Variants in PTPRT observed in about 807,000 individuals in gnomAD.
PTPRT encodes protein tyrosine phosphatase receptor type T, also known as receptor-type tyrosine-protein phosphatase T.
Under a neutral mutation model 176.8 loss-of-function variants are expected in PTPRT, and 56 were observed. The observed-to-expected ratio is 0.32, with a 90% CI of 0.26 to 0.40. PTPRT has a LOEUF of 0.40. Among genes scored for constraint, PTPRT ranks in the 10% least tolerant of loss-of-function variants. PTPRT has a pLI of 1.00. For synonymous variants in PTPRT, 783 were observed against 739.0 expected (o/e 1.06, Z -0.96); for missense variants, 1,540 against 1,908.2 (o/e 0.81, Z 3.60).
intron 1 of PTPRT, among the ~76,000 whole-genome samples, chr20:42,996,044 G>T (rs1984203830): frequency 6.6e-6 from 1 of 152,042 alleles, no homozygotes; most frequent in Admixed American, 6.6e-5. Context: ...TGTTGCCCAG[G>T]CTGGTATTGC....
At chr20:42,133,653 T>C (rs894059502) in intron 18 of PTPRT, among the ~76,000 whole-genome samples, 2 of 152,172 alleles carry the variant, frequency 1.3e-5, no homozygotes, top group African/African-American at 4.8e-5. Flanking sequence ...TATAGAACTG[T>C]ACAACATAAA....
intron 3 of PTPRT, among the ~76,000 whole-genome samples, chr20:42,782,257 GCC>G (rs1664078188): frequency 6.7e-6 from 1 of 149,936 alleles, no homozygotes; most frequent in African/African-American, 2.4e-5. Flanking sequence ...TCTAACGTGG[GCC>G]CCTGTTAGTC....
intron 7 of PTPRT, among the ~76,000 whole-genome samples, chr20:42,572,038 T>G (rs1038100261): frequency 1.3e-5 from 2 of 152,176 alleles, no homozygotes; most frequent in Admixed American, 6.5e-5. Context: ...CTCACAGTTC[T>G]GGGGACTGGG....
chr20:42,306,986 C>T (rs550504465), intron 12 of PTPRT, among the ~76,000 whole-genome samples: 1 of 152,186 alleles, frequency 6.6e-6, no homozygotes, highest in African/African-American at 2.4e-5. Flanking sequence ...ACAGCAGATG[C>T]TCAAGCAATT....
downstream of PTPRT, among the ~76,000 whole-genome samples, chr20:42,069,789 A>T (rs1179116084): frequency 1.3e-5 from 2 of 152,144 alleles, no homozygotes; most frequent in Non-Finnish European, 2.9e-5. Flanking sequence ...TAACTAGTTA[A>T]ATTTTGTTCC....
At chr20:42,997,491 A>G (rs775103129) in intron 1 of PTPRT, among the ~76,000 whole-genome samples, 1 of 152,148 alleles carries the variant, frequency 6.6e-6, no homozygotes, top group African/African-American at 2.4e-5. Flanking sequence ...CTCCCTTGAT[A>G]GTCAGGGAAG....
At chr20:42,060,195 C>T in the PTPRT span, among the ~76,000 whole-genome samples, 1 of 152,098 alleles carries the variant, frequency 6.6e-6, no homozygotes, top group African/African-American at 2.4e-5. Flanking sequence ...CTAGTAGACC[C>T]AGAGCTAGAA....
intron 6 of PTPRT, among the ~76,000 whole-genome samples, chr20:42,701,392 G>A (rs189777919): frequency 6.6e-6 from 1 of 152,296 alleles, no homozygotes; most frequent in East Asian, 1.9e-4. Flanking sequence ...ACCGTGGGAT[G>A]CTTAAATGAT....
Position 42,076,342 on chromosome 20 carries a change from G to C in PTPRT, c.*4537C>G, listed in dbSNP as rs1012099651. On this transcript the variant is annotated 3_prime_UTR_variant, in exon 31 of 31. Coordinates refer to ENST00000373187, the MANE Select transcript of PTPRT (RefSeq NM_007050.6). ...CCATGTGACTCCACTTGGACAACAG[G>C]CACCACTTTCCAGCCTAGCATTCAG... The C allele has an allele frequency of 5.6e-5, 11 of 198,096 alleles. No individual in the cohort carries two copies. Among genetic ancestry groups the C allele is most frequent in the Non-Finnish European group, 1.0e-4 (10 of 95,866 alleles). The allele number at this position is 198,096 out of a possible 1,614,324, so 12.3% of individuals were successfully genotyped here.
chr20:43,007,958 G>C (rs1364479572), intron 1 of PTPRT, among the ~76,000 whole-genome samples: 1 of 152,172 alleles, frequency 6.6e-6, no homozygotes, highest in Non-Finnish European at 1.5e-5. Context: ...CCAAGTAAAA[G>C]TGCTGACTTA....
intron 7 of PTPRT, among the ~76,000 whole-genome samples, chr20:42,593,608 A>T (rs1021296043): frequency 1.1e-4 from 16 of 152,208 alleles, no homozygotes; most frequent in African/African-American, 3.6e-4. Context: ...TTAAACTCTC[A>T]TCGAAGAGTG....
chr20:42,340,554 T>C (rs1447620927), intron 11 of PTPRT, among the ~76,000 whole-genome samples: 2 of 152,226 alleles, frequency 1.3e-5, no homozygotes, highest in African/African-American at 4.8e-5. Flanking sequence ...GGCAACTCCC[T>C]GAGCAGCCCT....
At chr20:42,589,611 T>C (rs1212202659) in intron 7 of PTPRT, among the ~76,000 whole-genome samples, 1 of 152,098 alleles carries the variant, frequency 6.6e-6, no homozygotes, top group Non-Finnish European at 1.5e-5. Context: ...CAAAATGCTT[T>C]ATTGACATGG....
intron 28 of PTPRT, 74 bp from the exon 29 acceptor site, chr20:42,084,919 G>A: frequency 8.0e-7 from 1 of 1,254,356 alleles, no homozygotes; most frequent in Non-Finnish European, 1.0e-6. Flanking sequence ...ATACCCCGGG[G>A]ACTGCAGCAT....
chr20:42,630,970 C>T lies in PTPRT; in HGVS notation c.1153+46896G>A, dbSNP rs1028811831. On this transcript the variant is annotated intron_variant, in intron 7 of 30. Transcript: ENST00000373187. ...TGGAAGTAATCTTGTCCCCAGGCCT[C>T]CTAAGCTTACTTATGATGAAGTGAT... 4.6e-5 allele frequency among the ~76,000 whole-genome samples: 7 copies of T among 152,176 alleles called. No homozygotes were observed. The East Asian group carries it at 1.4e-3, about 29-fold the overall frequency.
intron 1 of PTPRT, among the ~76,000 whole-genome samples, chr20:43,033,488 T>C (rs1568744334): frequency 6.6e-6 from 1 of 152,154 alleles, no homozygotes; most frequent in African/African-American, 2.4e-5. Context: ...CAAACTGCCC[T>C]GTCATCCGCA....
intron 7 of PTPRT, among the ~76,000 whole-genome samples, chr20:42,515,953 A>C (rs1323484649): frequency 2.0e-5 from 3 of 150,050 alleles, no homozygotes. Flanking sequence ...TGTCCTTTGT[A>C]GGGACATGGA....
intron 22 of PTPRT, among the ~76,000 whole-genome samples, chr20:42,112,567 C>T (rs573188203): frequency 2.0e-5 from 3 of 152,268 alleles, no homozygotes; most frequent in Non-Finnish European, 4.4e-5. Flanking sequence ...GCCCCTTTGC[C>T]TCAAGGTTGG....
chr20:43,041,031 C>G (rs1215826754), intron 1 of PTPRT, among the ~76,000 whole-genome samples: 2 of 152,218 alleles, frequency 1.3e-5, no homozygotes, highest in Non-Finnish European at 2.9e-5. Context: ...CACCCCAGAC[C>G]TACTAAATCA....
Sources: gnomAD v4.1 joint callset for allele counts (sites outside exome capture counted in the v4.1 genomes callset) on GRCh38, gnomAD v4.1.1 for gene constraint, MANE v1.5 for transcripts, NCBI Gene and HGNC (gene_info 2026-07-23, HGNC 2026-07-21) for gene names.